Variants in TGFBR3 observed in about 807,000 individuals in gnomAD.
The protein encoded by TGFBR3 is transforming growth factor beta receptor type 3.
Under a neutral mutation model 87.9 loss-of-function variants are expected in TGFBR3, and 46 were observed. The observed-to-expected ratio is 0.52, with a 90% CI of 0.41 to 0.67. The LOEUF (loss-of-function observed/expected upper bound fraction) is 0.67, where lower values mean the gene tolerates loss of function less well. Ranked by LOEUF, TGFBR3 falls within the 30% of genes least tolerant of loss-of-function variation. TGFBR3 has a pLI of 0.00. For synonymous variants in TGFBR3, 381 were observed against 391.6 expected, an observed-to-expected ratio of 0.97 and a Z score of 0.32; for missense variants, 866 against 1,041.9, an observed-to-expected ratio of 0.83 and a Z score of 2.32.
intron 3 of TGFBR3, among the ~76,000 whole-genome samples, chr1:91,763,666 C>A (rs1264266164): frequency 6.6e-6 from 1 of 152,118 alleles, no homozygotes; most frequent in East Asian, 1.9e-4. Flanking sequence ...CTCCCAGCAC[C>A]CACACTTTGC....
intron 1 of TGFBR3, among the ~76,000 whole-genome samples, chr1:91,872,135 T>C (rs1281785227): frequency 6.6e-6 from 1 of 152,252 alleles, no homozygotes; most frequent in African/African-American, 2.4e-5. Flanking sequence ...CTTTCTTGGC[T>C]GGGCTTCCTA....
chr1:91,791,560 CCTCA>C (rs1283589896), intron 3 of TGFBR3, among the ~76,000 whole-genome samples: 1 of 152,184 alleles, frequency 6.6e-6, no homozygotes, highest in African/African-American at 2.4e-5. Flanking sequence ...GAACCCAAAC[CCTCA>C]CTAACAGACC....
chr1:91,874,475 T>G (rs1678707152), intron 1 of TGFBR3, among the ~76,000 whole-genome samples: 1 of 152,136 alleles, frequency 6.6e-6, no homozygotes, highest in Admixed American at 6.5e-5. Flanking sequence ...AATTCTGGCT[T>G]TTATTCTGAG....
At chr1:91,727,131 A>G (rs1224929083) in intron 7 of TGFBR3, among the ~76,000 whole-genome samples, 2 of 152,220 alleles carry the variant, frequency 1.3e-5, no homozygotes, top group East Asian at 3.9e-4. Context: ...AGTGTTTCAC[A>G]CTTAGGAGTT....
At chr1:91,703,092 A>T (rs4650272) in intron 14 of TGFBR3, among the ~76,000 whole-genome samples, 31,816 of 151,992 alleles carry the variant, frequency 0.21, 3,565 homozygotes, top group East Asian at 0.39. Flanking sequence ...TAAAAAAAAA[A>T]ATATGATATC....
At chr1:91,809,359 G>A (rs1469044704) in intron 2 of TGFBR3, among the ~76,000 whole-genome samples, 1 of 152,216 alleles carries the variant, frequency 6.6e-6, no homozygotes, top group African/African-American at 2.4e-5. Flanking sequence ...CATGCTCTGG[G>A]CCTGGTGAGC....
chr1:91,865,889 G>A (rs1678377350), intron 1 of TGFBR3, among the ~76,000 whole-genome samples: 1 of 150,806 alleles, frequency 6.6e-6, no homozygotes, highest in Non-Finnish European at 1.5e-5. Flanking sequence ...TCCAGCCTGG[G>A]TGACAGAGCG....
Position 91,715,128 on chromosome 1 carries a change from T to A in TGFBR3, c.1866+1108A>T, listed in dbSNP as rs76385210. On this transcript the variant is annotated intron_variant, in intron 12 of 16. Coordinates refer to ENST00000212355, the MANE Select transcript of TGFBR3 (RefSeq NM_003243.5). Reference sequence around the variant, plus strand: ...AAACCAGCTCATTAGATGAGGACCTTCCCATAAGACCAACAGATGATATGC... The same window carrying A: ...AAACCAGCTCATTAGATGAGGACCTACCCATAAGACCAACAGATGATATGC... 7.0e-3 allele frequency among the ~76,000 whole-genome samples: 1,073 copies of A among 152,218 alleles called. 16 individuals carry two copies. The highest frequency in any genetic ancestry group is 0.025 in the African/African-American group (1,042 of 41,520).
rs764288511 is a variant in TGFBR3 at position 91,722,159 on chromosome 1, A to G, written c.886-15T>C. On this transcript the variant is annotated splice_polypyrimidine_tract_variant and intron_variant, in intron 7 of 16. Coordinates refer to ENST00000212355, the MANE Select transcript of TGFBR3 (RefSeq NM_003243.5). The stretch of plus-strand genomic sequence containing the variant: ...CTGTTAGGAGCCTGAAGATATAGCA[A>G]AAAAATCACTCATGAGTCTAAAATT... 3 of 1,611,414 alleles carry G rather than the reference A, an allele frequency of 1.9e-6. No individual in the cohort carries two copies. In the South Asian group the frequency reaches 3.3e-5, roughly 18 times the overall value.
Position 91,723,094 on chromosome 1 carries a change from C to T in TGFBR3, c.886-950G>A, listed in dbSNP as rs549365797. On this transcript the variant is annotated intron_variant, in intron 7 of 16. Coordinates refer to ENST00000212355, the MANE Select transcript of TGFBR3 (RefSeq NM_003243.5). ...TTGCCAATTCTACTAACTGAATATA[C>T]TTGTATCTTCTATTCTAAATATTAA... 3.2e-3 allele frequency among the ~76,000 whole-genome samples: 491 copies of T among 152,264 alleles called. 1 individual carries two copies. Among genetic ancestry groups the T allele is most frequent in the Middle Eastern group, 0.014 (4 of 294 alleles).
At chr1:91,705,409 T>A (rs1475666102) in intron 14 of TGFBR3, among the ~76,000 whole-genome samples, 2 of 151,684 alleles carry the variant, frequency 1.3e-5, no homozygotes, top group Non-Finnish European at 2.9e-5. Flanking sequence ...GTTTTTTTTT[T>A]AGGTAGAGAC....
chr1:91,724,931 T>C (rs1672498846), intron 7 of TGFBR3, among the ~76,000 whole-genome samples: 1 of 152,126 alleles, frequency 6.6e-6, no homozygotes, highest in African/African-American at 2.4e-5. Context: ...CCCACTGAGA[T>C]TTTTAAAAAT....
Position 91,714,205 on chromosome 1 carries a change from G to A in TGFBR3, c.1867-1663C>T, listed in dbSNP as rs372887719. 7.5e-4 allele frequency among the ~76,000 whole-genome samples: 114 copies of A among 151,810 alleles called. 3 individuals carry two copies. The South Asian group carries it at 0.024, about 32-fold the overall frequency. On this transcript the variant is annotated intron_variant, in intron 12 of 16. Transcript: ENST00000212355. ...TTACTCACCTACAGAATGAGAACAC[G>A]AATACCCACAAGATATCATAATTGT... is the stretch of plus-strand genomic sequence containing the variant.
At chr1:91,851,216 C>T (rs1388809083) in intron 2 of TGFBR3, among the ~76,000 whole-genome samples, 2 of 152,160 alleles carry the variant, frequency 1.3e-5, no homozygotes, top group Non-Finnish European at 2.9e-5. Context: ...CACCTGCTGC[C>T]TACTCCTTGG....
At position 91,683,699 on chromosome 1, in the gene TGFBR3, C is replaced by CTGGGT; in HGVS notation, c.*39_*40insACCCA. 1 of 1,458,748 alleles carries CTGGGT rather than the reference C, an allele frequency of 6.9e-7. No individual in the cohort carries two copies. The highest frequency in any genetic ancestry group is 9.2e-7 in the Non-Finnish European group (1 of 1,090,458). 90.4% of individuals were successfully genotyped at this position (1,458,748 alleles called of 1,614,324 possible). On this transcript the variant is annotated 3_prime_UTR_variant, in exon 17 of 17. Coordinates refer to ENST00000212355, the MANE Select transcript of TGFBR3 (RefSeq NM_003243.5). The stretch of plus-strand genomic sequence containing the variant: ...TGCCCTTGGCAGTAGCTGAGCTGAG[C>CTGGGT]TGGGCTGGGCTGGGTTGGGCCGGGT...
intron 1 of TGFBR3, among the ~76,000 whole-genome samples, chr1:91,884,445 TCA>T (rs1679215599): frequency 6.6e-6 from 1 of 152,204 alleles, no homozygotes; most frequent in Non-Finnish European, 1.5e-5. Flanking sequence ...CCTAAATTCA[TCA>T]CAGATACCTT....
chr1:91,769,887 C>T (rs566429475), intron 3 of TGFBR3, among the ~76,000 whole-genome samples: 3 of 151,810 alleles, frequency 2.0e-5, no homozygotes, highest in African/African-American at 4.9e-5. Context: ...GCTTCAGCAC[C>T]GTAACTCTGG....
chr1:91,722,510 C>A (rs1311788250), intron 7 of TGFBR3, among the ~76,000 whole-genome samples: 3 of 151,264 alleles, frequency 2.0e-5, no homozygotes, highest in Non-Finnish European at 4.4e-5. Context: ...CTTTTTTTTA[C>A]TTAAAATGAC....
chr1:91,796,391 G>T (rs1165353690), intron 3 of TGFBR3, among the ~76,000 whole-genome samples: 1 of 152,164 alleles, frequency 6.6e-6, no homozygotes, highest in Non-Finnish European at 1.5e-5. Context: ...TGAGTGCTTC[G>T]AACAGTGTTT....
Sources: gnomAD v4.1 joint callset for allele counts (sites outside exome capture counted in the v4.1 genomes callset) on GRCh38, gnomAD v4.1.1 for gene constraint, MANE v1.5 for transcripts, NCBI Gene and HGNC (gene_info 2026-07-23, HGNC 2026-07-21) for gene names.